The following ZNF341 variants were observed in gnomAD, a reference collection of about 807,000 sequenced individuals.
The protein encoded by ZNF341 is zinc finger protein 341.
Under a neutral mutation model 87.7 loss-of-function variants are expected in ZNF341, and 52 were observed. The ratio of observed to expected loss-of-function variants is 0.59; its 90% CI spans 0.47 to 0.75. The LOEUF (loss-of-function observed/expected upper bound fraction) is 0.75, where lower values mean the gene tolerates loss of function less well. Ranked by LOEUF, ZNF341 falls within the 30% of genes least tolerant of loss-of-function variation. The probability of loss-of-function intolerance (pLI) is 0.00; values close to 1 mark genes in which losing one functional copy is unlikely to be tolerated. For missense variants in ZNF341, 977 were observed against 1,145.9 expected (o/e 0.85, Z 2.13); for synonymous variants, 459 against 472.7 (o/e 0.97, Z 0.38).
intron 8 of ZNF341, among the ~76,000 whole-genome samples, chr20:33,764,766 G>T (rs1450956784): frequency 6.7e-6 from 1 of 150,204 alleles, no homozygotes; most frequent in Non-Finnish European, 1.5e-5. Flanking sequence ...AATCCAGCAG[G>T]TATATACACT....
Position 33,766,964 on chromosome 20 carries a change from C to A in ZNF341, c.1336C>A (p.Leu446Met). 1.2e-6 allele frequency: 2 copies of A among 1,614,230 alleles called. No homozygotes were observed. Among genetic ancestry groups the A allele is most frequent in the Non-Finnish European group, 1.7e-6 (2 of 1,180,042 alleles). ...KQVVLIDSSY[L>M]CQFCPSKFST... ...GGTGGTCCTCATCGACAGCTCCTAC[C>A]TGTGCCAATTCTGCCCCAGCAAATT... is the stretch of plus-strand genomic sequence containing the variant. Residue 446 changes from leucine to methionine, a missense_variant, in exon 9 of 15, where the codon CTG becomes ATG. By Grantham distance (15) the Leu-to-Met change is conservative (BLOSUM62 2). Coordinates refer to ENST00000375200, the MANE Select transcript of ZNF341 (RefSeq NM_001282933.2).
Position 33,767,052 on chromosome 20 carries a change from G to C in ZNF341, c.1413+11G>C. On this transcript the variant is annotated intron_variant, in intron 9 of 14. Coordinates refer to ENST00000375200, the MANE Select transcript of ZNF341 (RefSeq NM_001282933.2). Reference sequence around the variant, plus strand: ...CATAAGAATGAGCAGGTAGGTGGATGGTGGCAGCAGGGGCCCACACCACAC... The same window carrying C: ...CATAAGAATGAGCAGGTAGGTGGATCGTGGCAGCAGGGGCCCACACCACAC... The C allele has an allele frequency of 6.2e-7, 1 of 1,606,288 alleles. No homozygotes were observed. Among genetic ancestry groups the C allele is most frequent in the South Asian group, 1.1e-5 (1 of 89,878 alleles).
chr20:33,782,652 T>A (rs1443413693), intron 11 of ZNF341, among the ~76,000 whole-genome samples: 1 of 152,210 alleles, frequency 6.6e-6, no homozygotes, highest in Non-Finnish European at 1.5e-5. Flanking sequence ...GGTGTACTGT[T>A]ACTATCCCCC....
chr20:33,741,081 G>A, intron 2 of ZNF341, 69 bp downstream of exon 2: 1 of 1,450,510 alleles, frequency 6.9e-7, no homozygotes, highest in Non-Finnish European at 9.7e-7. Flanking sequence ...TGGAGCTTGT[G>A]CTGGGCTGTG....
intron 2 of ZNF341, 147 bp downstream of exon 2, chr20:33,741,159 G>T: frequency 2.7e-6 from 2 of 728,046 alleles, no homozygotes; most frequent in Non-Finnish European, 4.6e-6. Context: ...CCGCCTCCCA[G>T]CCGGGATCTT....
chr20:33,779,037 C>T (rs1053682446), intron 10 of ZNF341, among the ~76,000 whole-genome samples: 18 of 152,028 alleles, frequency 1.2e-4, no homozygotes, highest in Admixed American at 6.6e-5. Flanking sequence ...TAAAGAAATA[C>T]CTGAGACTGG....
chr20:33,768,826 C>A (rs1202114983), intron 9 of ZNF341, among the ~76,000 whole-genome samples: 1 of 152,116 alleles, frequency 6.6e-6, no homozygotes, highest in African/African-American at 2.4e-5. Flanking sequence ...CCAGGACTTA[C>A]GTACTATTTA....
chr20:33,761,848 C>T lies in ZNF341; in HGVS notation c.1029-14C>T, dbSNP rs1393757518. 1.3e-5 allele frequency: 19 copies of T among 1,480,410 alleles called. No homozygotes were observed. Among genetic ancestry groups the T allele is most frequent in the Non-Finnish European group, 1.7e-5 (19 of 1,095,310 alleles). 91.7% of individuals were successfully genotyped at this position (1,480,410 alleles called of 1,614,324 possible). On this transcript the variant is annotated splice_polypyrimidine_tract_variant and intron_variant, in intron 7 of 14. Coordinates refer to ENST00000375200, the MANE Select transcript of ZNF341 (RefSeq NM_001282933.2). ...GTTCCTGCAGGAGGGCACTGACAAG[C>T]TTGTCTTCCACAGCCACACCGGTGA... is the stretch of plus-strand genomic sequence containing the variant.
In ZNF341 at chr20:33,781,347, A is replaced by G; in HGVS notation, c.1679A>G (p.Gln560Arg). ...CCTGAGGCCCTGGAGCACCACCTGC[A>G]GACCGCCACTCACAACTTCCCCTGC... ...STPEALEHHL[Q>R]TATHNFPCPH... The change falls in exon 11 of 15, where the codon CAG (glutamine) becomes CGG (arginine). Residue 560 changes from glutamine (Q) to arginine (R), a missense_variant. Transcript: ENST00000375200. 6.2e-7 allele frequency: 1 copy of G among 1,614,128 alleles called. No individual in the cohort carries two copies. The highest frequency in any genetic ancestry group is 8.5e-7 in the Non-Finnish European group (1 of 1,180,008).
Position 33,791,408 on chromosome 20 carries a change from G to T in ZNF341, c.2456G>T (p.Gly819Val). ...GCGGAAACTGAGCTGGTGGTACCTG[G>T]ACACGCTGAGGGGCTGGGCTCCAAC... ...VGAETELVVPGHAEGLGSNLA... is the reference protein window; with the variant it reads ...VGAETELVVPVHAEGLGSNLA... The change falls in exon 15 of 15, where the codon GGA becomes GTA. Residue 819 changes from glycine (G) to valine (V), a missense_variant. This residue lies in a region of ZNF341 where 221 missense variants were observed against 212.7 expected (regional missense o/e 1.04). Transcript: ENST00000375200. 6.2e-7 allele frequency: 1 copy of T among 1,612,286 alleles called. No individual in the cohort carries two copies. Among genetic ancestry groups the T allele is most frequent in the Non-Finnish European group, 8.5e-7 (1 of 1,179,752 alleles).
intron 8 of ZNF341, among the ~76,000 whole-genome samples, chr20:33,764,969 G>C (rs1167596055): frequency 1.3e-5 from 2 of 151,900 alleles, no homozygotes; most frequent in Admixed American, 1.3e-4. Flanking sequence ...TGGGATGGGG[G>C]TGCACCACTG....
Position 33,791,515 on chromosome 20 carries a change from TGAC to T in ZNF341, c.2565_*2del, listed in dbSNP as rs1172039095. Reference sequence around the variant, plus strand: ...GCCCGTCTACATCCAGGCCTCCGAGTGACGGACCTGAGGTGTCTGTTTCCTGGG... The same window carrying T: ...GCCCGTCTACATCCAGGCCTCCGAGTGGACCTGAGGTGTCTGTTTCCTGGG... On this transcript the variant is annotated stop_lost and 3_prime_UTR_variant, in exon 15 of 15. Transcript: ENST00000375200. 6.5e-7 allele frequency: 1 copy of T among 1,550,378 alleles called. No individual in the cohort carries two copies. The highest frequency in any genetic ancestry group is 1.4e-5 in the African/African-American group (1 of 73,982).
chr20:33,763,728 T>C (rs1467965917), intron 8 of ZNF341, among the ~76,000 whole-genome samples: 1 of 152,184 alleles, frequency 6.6e-6, no homozygotes, highest in Non-Finnish European at 1.5e-5. Flanking sequence ...GGTTAGTTGG[T>C]CTCCAAAGCT....
intron 1 of ZNF341, among the ~76,000 whole-genome samples, chr20:33,735,460 A>G (rs1036814262): frequency 2.6e-5 from 4 of 152,102 alleles, no homozygotes; most frequent in African/African-American, 4.8e-5. Context: ...TCAGCCTCCC[A>G]GGTGCGTGCC....
At chr20:33,743,124 T>G (rs2747546) in intron 2 of ZNF341, among the ~76,000 whole-genome samples, 1 of 150,600 alleles carries the variant, frequency 6.6e-6, no homozygotes, top group African/African-American at 2.4e-5. Context: ...CTCTGTCTCC[T>G]GGGTTCAAGT....
chr20:33,790,230 C>G (rs1376533454), intron 14 of ZNF341, among the ~76,000 whole-genome samples: 1 of 152,068 alleles, frequency 6.6e-6, no homozygotes, highest in Non-Finnish European at 1.5e-5. Context: ...TGCCACCACA[C>G]CCAGCTAATT....
chr20:33,763,911 T>C (rs2019344456), intron 8 of ZNF341, among the ~76,000 whole-genome samples: 2 of 150,330 alleles, frequency 1.3e-5, no homozygotes, highest in Non-Finnish European at 3.0e-5. Flanking sequence ...CAGCCGGGCA[T>C]GGTGGCTCAC....
At chr20:33,735,559 C>T (rs1274993521) in intron 1 of ZNF341, among the ~76,000 whole-genome samples, 2 of 152,068 alleles carry the variant, frequency 1.3e-5, no homozygotes, top group African/African-American at 4.8e-5. Context: ...ATCAAGCAGT[C>T]CTCCTGCATT....
chr20:33,764,399 T>C (rs1601261793), intron 8 of ZNF341, among the ~76,000 whole-genome samples: 1 of 150,236 alleles, frequency 6.7e-6, no homozygotes, highest in East Asian at 1.9e-4. Context: ...TGAAATAAAA[T>C]TTTCTAGTAG....
Sources: gnomAD v4.1 joint callset for allele counts (sites outside exome capture counted in the v4.1 genomes callset) on GRCh38, gnomAD v4.1.1 for gene constraint, gnomAD v4.1.1 regional missense constraint, MANE v1.5 for transcripts, NCBI Gene and HGNC (gene_info 2026-07-23, HGNC 2026-07-21) for gene names.